ADGRL3: variants seen among roughly 807,000 people sequenced by gnomAD.
ADGRL3 encodes the protein calcium-independent alpha-latrotoxin receptor 3.
A neutral mutation model predicts 153.5 loss-of-function variants in ADGRL3; 62 were observed. The ratio of observed to expected loss-of-function variants is 0.40; its 90% confidence interval spans 0.33 to 0.50. The LOEUF (loss-of-function observed/expected upper bound fraction) is 0.50, where lower values mean the gene tolerates loss of function less well. ADGRL3 is among the 20% of genes least tolerant of loss of function. ADGRL3 has a pLI of 0.47. For synonymous variants in ADGRL3, 710 were observed against 672.5 expected (o/e 1.06, Z -0.86); for missense variants, 1,641 against 1,859.4 (o/e 0.88, Z 2.16).
At position 61,464,642 on chromosome 4, in the gene ADGRL3, T is replaced by A. The variant is rs2201459; in HGVS notation, c.-173-32479T>A. On this transcript the variant is annotated intron_variant, in intron 2 of 26. Coordinates refer to ENST00000683033, the MANE Select transcript of ADGRL3 (RefSeq NM_001387552.1). ...AACTAATATGGCAATTTCTACATAG[T>A]CTATATGACATAATACCCATTTTAA... Among the ~76,000 whole-genome samples, 554 of 152,264 alleles carry A rather than the reference T, an allele frequency of 3.6e-3. 12 individuals are homozygous for A. The South Asian group carries it at 0.061, about 17-fold the overall frequency.
chr4:61,295,007 C>G (rs1377621333), intron 1 of ADGRL3, among the ~76,000 whole-genome samples: 1 of 151,928 alleles, frequency 6.6e-6, no homozygotes, highest in Non-Finnish European at 1.5e-5. Context: ...TCTTAAAATA[C>G]TAAATGGAAA....
At position 61,746,621 on chromosome 4, in the gene ADGRL3, G is replaced by A. The variant is rs928058678; in HGVS notation, c.1399+13067G>A. ...CCTGAATGACTACTGGGTACATAACGAAATGAAGGCAGAAATAAAGATGTT... is the reference window on the plus strand; with the variant it reads ...CCTGAATGACTACTGGGTACATAACAAAATGAAGGCAGAAATAAAGATGTT... On this transcript the variant is annotated intron_variant, in intron 8 of 26. Transcript: ENST00000683033. Among the ~76,000 whole-genome samples the A allele has an allele frequency of 2.0e-5, 3 of 152,086 alleles. No homozygotes were observed. In the East Asian group the frequency reaches 5.8e-4, roughly 29 times the overall value.
intron 2 of ADGRL3, chr4:61,428,064 G>A (rs2097304529): frequency 6.5e-6 from 1 of 152,736 alleles, no homozygotes; most frequent in Non-Finnish European, 1.5e-5. Flanking sequence ...GGACCATCAG[G>A]GGCTGAGGAC....
chr4:61,750,471 T>A (rs2096740240), intron 8 of ADGRL3, among the ~76,000 whole-genome samples: 1 of 151,952 alleles, frequency 6.6e-6, no homozygotes, highest in Admixed American at 6.6e-5. Context: ...AAAAACAAGG[T>A]AAGGAAAAGC....
chr4:61,350,809 C>T (rs371504742), intron 1 of ADGRL3, among the ~76,000 whole-genome samples: 7 of 152,044 alleles, frequency 4.6e-5, no homozygotes, highest in African/African-American at 1.4e-4. Flanking sequence ...CTCCTTGAGC[C>T]GGCTGTTTTG....
chr4:61,869,388 G>A (rs2098422096), intron 9 of ADGRL3, among the ~76,000 whole-genome samples: 1 of 151,482 alleles, frequency 6.6e-6, no homozygotes, highest in Non-Finnish European at 1.5e-5. Flanking sequence ...CATGAGGTCA[G>A]GAGATCGAGA....
intron 25 of ADGRL3, among the ~76,000 whole-genome samples, chr4:62,052,996 A>T (rs1735017829): frequency 6.6e-6 from 1 of 151,664 alleles, no homozygotes; most frequent in East Asian, 1.9e-4. Flanking sequence ...TCAAAATTTT[A>T]AAACAAATAA....
intron 1 of ADGRL3, among the ~76,000 whole-genome samples, chr4:61,343,634 C>G (rs1164102396): frequency 6.6e-6 from 1 of 152,054 alleles, no homozygotes; most frequent in South Asian, 2.1e-4. Flanking sequence ...GATACTAGAC[C>G]TGGATGTTAA....
Position 61,459,577 on chromosome 4 carries a change from T to C in ADGRL3, c.-173-37544T>C, listed in dbSNP as rs148327663. 3.3e-5 allele frequency among the ~76,000 whole-genome samples: 5 copies of C among 152,176 alleles called. No individual in the cohort carries two copies. In the East Asian group the frequency reaches 7.7e-4, roughly 24 times the overall value. ...TTTCCTGTGAATAAATCCTCAGCAG[T>C]TGGATTGCTAGATCATATGGTGATT... On this transcript the variant is annotated intron_variant, in intron 2 of 26. Transcript: ENST00000683033.
intron 11 of ADGRL3, among the ~76,000 whole-genome samples, chr4:61,901,580 C>A (rs1447418604): frequency 2.0e-5 from 3 of 151,824 alleles, no homozygotes; most frequent in Non-Finnish European, 4.4e-5. Flanking sequence ...GCTTATATAC[C>A]CACCTGACTC....
At chr4:61,451,683 T>A (rs1413680473) in intron 2 of ADGRL3, among the ~76,000 whole-genome samples, 1 of 152,178 alleles carries the variant, frequency 6.6e-6, no homozygotes, top group Admixed American at 6.5e-5. Context: ...ATTACATTAT[T>A]CATTCTAGAA....
chr4:61,657,084 A>C (rs923770315), intron 5 of ADGRL3, among the ~76,000 whole-genome samples: 2 of 152,190 alleles, frequency 1.3e-5, no homozygotes, highest in African/African-American at 4.8e-5. Context: ...TGCTTGAAAT[A>C]CAGTAGCCAA....
chr4:61,358,990 A>G (rs1455246915), intron 1 of ADGRL3, among the ~76,000 whole-genome samples: 1 of 152,120 alleles, frequency 6.6e-6, no homozygotes, highest in Non-Finnish European at 1.5e-5. Flanking sequence ...CTCTCCACTC[A>G]CACCCCTAAA....
intron 9 of ADGRL3, among the ~76,000 whole-genome samples, chr4:61,851,956 T>C (rs1205320069): frequency 2.0e-5 from 3 of 152,200 alleles, no homozygotes; most frequent in Non-Finnish European, 4.4e-5. Context: ...GATTATGTCA[T>C]CACGCACGTG....
At position 61,570,120 on chromosome 4, in the gene ADGRL3, T is replaced by C. The variant is rs549447881; in HGVS notation, c.260-17107T>C. ...TCATTTTTAATTCATATGATCATCA[T>C]TTACATAACTGATTTACATACAAAC... On this transcript the variant is annotated intron_variant, in intron 4 of 26. Transcript: ENST00000683033. Among the ~76,000 whole-genome samples, 664 of 152,300 alleles carry C rather than the reference T, an allele frequency of 4.4e-3. 3 individuals carry two copies. The highest frequency in any genetic ancestry group is 0.02 in the Middle Eastern group (6 of 294).
chr4:61,887,715 C>T (rs1273587585), intron 9 of ADGRL3, among the ~76,000 whole-genome samples: 2 of 152,066 alleles, frequency 1.3e-5, no homozygotes, highest in African/African-American at 2.4e-5. Context: ...CATGGTGGCA[C>T]ACACCTGTAG....
intron 2 of ADGRL3, among the ~76,000 whole-genome samples, chr4:61,471,221 A>C (rs1411927241): frequency 6.6e-6 from 1 of 151,788 alleles, no homozygotes; most frequent in African/African-American, 2.4e-5. Flanking sequence ...AATATTCAAC[A>C]GTCTATATTT....
chr4:61,765,826 G>T (rs536711808), intron 8 of ADGRL3, among the ~76,000 whole-genome samples: 1 of 152,220 alleles, frequency 6.6e-6, no homozygotes, highest in South Asian at 2.1e-4. Context: ...TTGATGTGTA[G>T]GGAAGGGAGG....
At chr4:61,787,947 G>C (rs1200408197) in intron 8 of ADGRL3, among the ~76,000 whole-genome samples, 1 of 151,962 alleles carries the variant, frequency 6.6e-6, no homozygotes, top group East Asian at 1.9e-4. Flanking sequence ...ATAAAGTGAA[G>C]AAAGCAATAA....
Sources: allele counts gnomAD v4.1 joint callset (sites outside exome capture counted in the v4.1 genomes callset), GRCh38; gene constraint gnomAD v4.1.1; transcripts MANE v1.5; gene names NCBI Gene and HGNC (gene_info 2026-07-23, HGNC 2026-07-21).